The following ABTB1 variants were observed in gnomAD, a reference collection of about 807,000 sequenced individuals.
ABTB1 encodes the protein ankyrin repeat and BTB domain containing 1.
In ABTB1, 45 loss-of-function variants were observed where a neutral mutation model predicts 57.1. The observed-to-expected ratio is 0.79, with a 90% CI of 0.62 to 1.01. ABTB1 has a LOEUF of 1.01. Among genes scored for constraint, ABTB1 ranks in the 50% least tolerant of loss-of-function variants. The pLI, the probability that ABTB1 is intolerant of heterozygous loss-of-function variation, is 0.00. For missense variants in ABTB1, 630 were observed against 666.3 expected, an observed-to-expected ratio of 0.95 and a Z score of 0.60; for synonymous variants, 302 against 275.4, an observed-to-expected ratio of 1.10 and a Z score of -0.95.
In ABTB1 at chr3:127,680,569, A is replaced by G. The variant is rs762589574; in HGVS notation, c.*94A>G. 4 of 1,470,834 alleles carry G rather than the reference A, an allele frequency of 2.7e-6. No homozygotes were observed. Among genetic ancestry groups the G allele is most frequent in the East Asian group, 2.3e-5 (1 of 44,202 alleles). 91.1% of individuals were successfully genotyped at this position (1,470,834 alleles called of 1,614,324 possible). A position where few individuals can be genotyped will look rare whatever the true frequency, so the allele number is the denominator to read the frequency against. On this transcript the variant is annotated 3_prime_UTR_variant, in exon 12 of 12. Coordinates refer to ENST00000232744, the MANE Select transcript of ABTB1 (RefSeq NM_172027.3). Reference sequence around the variant, plus strand: ...CAGCTCTTCTTCCTGCTCCCTGCACATTGAGGGCTTCATGGGGGGTGCGAG... The same window carrying G: ...CAGCTCTTCTTCCTGCTCCCTGCACGTTGAGGGCTTCATGGGGGGTGCGAG...
In ABTB1 at chr3:127,675,936, T is replaced by C. The variant is rs749950014; in HGVS notation, c.176-34T>C. ...GAGATTAGAATTTCCCCCAGGCCCC[T>C]TCCCTGCTAACTGGTGAGCCCTGCC... is the stretch of plus-strand genomic sequence containing the variant. On this transcript the variant is annotated intron_variant, in intron 3 of 11. Coordinates refer to ENST00000232744, the MANE Select transcript of ABTB1 (RefSeq NM_172027.3). 4.4e-6 allele frequency: 7 copies of C among 1,590,556 alleles called. No individual in the cohort carries two copies. The Admixed American group carries it at 1.2e-4, about 27-fold the overall frequency.
Position 127,680,269 on chromosome 3 carries a change from C to G in ABTB1, c.1231C>G (p.Leu411Val), listed in dbSNP as rs1181489662. Residue 411 changes from leucine (L) to valine (V), a missense_variant and splice_region_variant, in exon 12 of 12, where the codon CTG becomes GTG. Coordinates refer to ENST00000232744, the MANE Select transcript of ABTB1 (RefSeq NM_172027.3). Reference protein sequence around the residue: ...TEYMAKVIEKLVEREDFVEAV... With the variant: ...TEYMAKVIEKVVEREDFVEAV... Reference sequence around the variant, plus strand: ...CTGAGCTGGCCCTTCCCGCTCATAGCTGGTGGAGCGGGAGGACTTCGTGGA... The same window carrying G: ...CTGAGCTGGCCCTTCCCGCTCATAGGTGGTGGAGCGGGAGGACTTCGTGGA... 1 of 1,613,484 alleles carries G rather than the reference C, an allele frequency of 6.2e-7. No individual in the cohort carries two copies. The highest frequency in any genetic ancestry group is 1.7e-5 in the Admixed American group (1 of 59,988).
At position 127,677,187 on chromosome 3, in the gene ABTB1, G is replaced by C. The variant is rs756066641; in HGVS notation, c.663G>C (p.Thr221=). The C allele has an allele frequency of 4.3e-6, 7 of 1,612,878 alleles. No homozygotes were observed. The Admixed American group carries it at 6.7e-5, about 15-fold the overall frequency. ...VSEFVASKPG[T]CVKVLTIEPP... is the part of the protein sequence containing the mutation. ...CTGTAGTGGCGTCTAAGCCAGGCAC[G>C]TGTGTGAAGGTGCTGACCATCGAGC... Residue 221 remains threonine (T), a synonymous_variant, in exon 8 of 12, where the codon ACG becomes ACC. Coordinates refer to ENST00000232744, the MANE Select transcript of ABTB1 (RefSeq NM_172027.3).
chr3:127,673,236 C>T (rs1250352373), intron 1 of ABTB1, 155 bp downstream of exon 1: 2 of 680,116 alleles, frequency 2.9e-6, no homozygotes, highest in African/African-American at 1.9e-5. Context: ...CACCCGGACC[C>T]CCGCCGCAGC....
chr3:127,680,221 G>T, intron 11 of ABTB1, 36 bp downstream of exon 11: 2 of 1,613,340 alleles, frequency 1.2e-6, no homozygotes, highest in Non-Finnish European at 1.7e-6. Flanking sequence ...GGAAGGAGGG[G>T]TGAGAGGGCA....
At chr3:127,673,669 T>G (rs957181666) in intron 1 of ABTB1, 2 of 153,690 alleles carry the variant, frequency 1.3e-5, no homozygotes, top group African/African-American at 4.8e-5. Context: ...CCTCCTTTTT[T>G]CTTGGCCCTT....
At chr3:127,678,324 G>A (rs533534531) in intron 10 of ABTB1, 25 of 164,340 alleles carry the variant, frequency 1.5e-4, no homozygotes, top group Admixed American at 6.8e-4. Flanking sequence ...GTGTGCGTGC[G>A]CGTGCGCGCG....
chr3:127,679,641 A>C, intron 10 of ABTB1: 1 of 504,632 alleles, frequency 2.0e-6, no homozygotes, highest in Non-Finnish European at 3.9e-6. Flanking sequence ...AGGTGCAGTG[A>C]CTTGCCCAGG....
chr3:127,674,317 G>C, intron 1 of ABTB1, 74 bp from the exon 2 acceptor site: 1 of 1,550,038 alleles, frequency 6.5e-7, no homozygotes. Flanking sequence ...TTTTCTCTCC[G>C]TTCCTTTCCA....
At chr3:127,679,443 A>T in intron 10 of ABTB1, 2 of 447,464 alleles carry the variant, frequency 4.5e-6, no homozygotes, top group East Asian at 7.1e-5. Flanking sequence ...CCAGCACAGG[A>T]TGTATCTGTA....
At chr3:127,678,317 T>TGTGTGC (rs1553749269) in intron 10 of ABTB1, 4 of 158,250 alleles carry the variant, frequency 2.5e-5, no homozygotes, top group Admixed American at 5.9e-5. Flanking sequence ...AGTGTGTGTG[T>TGTGTGC]GCGTGCGCGT....
Position 127,676,794 on chromosome 3 carries a change from A to T in ABTB1, c.527-173A>T. On this transcript the variant is annotated intron_variant, in intron 6 of 11. Transcript: ENST00000232744. This position sits in a 1 kb window ranked among gnomAD's most constrained non-coding sequence, Gnocchi z 5.4. ...CCCACCCACATGCTGAGGCCCTCCC[A>T]TCTGTTCCCTGGGGCCTGTAGAACA... 1 of 833,236 alleles carries T rather than the reference A, an allele frequency of 1.2e-6. No homozygotes were observed. Among genetic ancestry groups the T allele is most frequent in the Non-Finnish European group, 1.9e-6 (1 of 538,326 alleles). 51.6% of individuals were successfully genotyped at this position (833,236 alleles called of 1,614,324 possible).
Position 127,680,254 on chromosome 3 carries a change from C to G in ABTB1, c.1231-15C>G, listed in dbSNP as rs1233631323. On this transcript the variant is annotated splice_polypyrimidine_tract_variant and intron_variant, in intron 11 of 11. Transcript: ENST00000232744. ...GCAGGCACCCCTCCACTGAGCTGGC[C>G]CTTCCCGCTCATAGCTGGTGGAGCG... is the stretch of plus-strand genomic sequence containing the variant. The G allele has an allele frequency of 1.2e-6, 2 of 1,613,402 alleles. No individual in the cohort carries two copies. The highest frequency in any genetic ancestry group is 2.7e-5 in the African/African-American group (2 of 74,932).
chr3:127,677,149 A>T lies in ABTB1; in HGVS notation c.644-19A>T. The T allele has an allele frequency of 6.2e-7, 1 of 1,613,250 alleles. No individual in the cohort carries two copies. Among genetic ancestry groups the T allele is most frequent in the Non-Finnish European group, 8.5e-7 (1 of 1,179,596 alleles). ...TGGCAGGGCTGGCCTGGCTCCCTGA[A>T]GTTGTTCTTCCCCTGTAGTGGCGTC... On this transcript the variant is annotated intron_variant, in intron 7 of 11. Coordinates refer to ENST00000232744, the MANE Select transcript of ABTB1 (RefSeq NM_172027.3).
At position 127,677,775 on chromosome 3, in the gene ABTB1, A is replaced by G. The variant is rs1327962734; in HGVS notation, c.961A>G (p.Thr321Ala). The change falls in exon 10 of 12, where the codon ACC becomes GCC. Residue 321 changes from threonine (T) to alanine (A), a missense_variant. By Grantham distance (58) the Thr-to-Ala change is moderately conservative. Coordinates refer to ENST00000232744, the MANE Select transcript of ABTB1 (RefSeq NM_172027.3). ...PATSGGPPAV[T>A]LHGISPDVFT... ...GACCTCAGGGGGCCCCCCAGCCGTC[A>G]CCCTGCATGGCATCTCACCCGACGT... is the stretch of plus-strand genomic sequence containing the variant. The G allele has an allele frequency of 1.9e-6, 3 of 1,612,366 alleles. No individual in the cohort carries two copies.
In ABTB1 at chr3:127,676,780, G is replaced by A; in HGVS notation, c.527-187G>A. 1.2e-6 allele frequency: 1 copy of A among 830,336 alleles called. No homozygotes were observed. The highest frequency in any genetic ancestry group is 1.9e-6 in the Non-Finnish European group (1 of 536,338). The allele number at this position is 830,336 out of a possible 1,614,324, so 51.4% of individuals were successfully genotyped here. Reference sequence around the variant, plus strand: ...CAGGAAGAGCTTGTCCCACCCACATGCTGAGGCCCTCCCATCTGTTCCCTG... The same window carrying A: ...CAGGAAGAGCTTGTCCCACCCACATACTGAGGCCCTCCCATCTGTTCCCTG... On this transcript the variant is annotated intron_variant, in intron 6 of 11. Transcript: ENST00000232744. The surrounding 1 kb of genome is among the most constrained non-coding windows in gnomAD (Gnocchi z 5.4).
In ABTB1 at chr3:127,676,930, A is replaced by G; in HGVS notation, c.527-37A>G. 1 of 1,593,078 alleles carries G rather than the reference A, an allele frequency of 6.3e-7. No homozygotes were observed. The highest frequency in any genetic ancestry group is 8.6e-7 in the Non-Finnish European group (1 of 1,163,392). ...TTTTCTGTGGGCCTGATGACAGCTG[A>G]GGTCCCGCAGGCCCTCATCCTCCCC... On this transcript the variant is annotated intron_variant, in intron 6 of 11. Coordinates refer to ENST00000232744, the MANE Select transcript of ABTB1 (RefSeq NM_172027.3). This position sits in a 1 kb window ranked among gnomAD's most constrained non-coding sequence, Gnocchi z 5.4.
Position 127,680,790 on chromosome 3 carries a change from G to C in ABTB1, c.*315G>C, listed in dbSNP as rs752738044. On this transcript the variant is annotated 3_prime_UTR_variant, in exon 12 of 12. Transcript: ENST00000232744. ...CTCCAGATCCCCCCTACCCACCCCA[G>C]TCCCAAATCCAGTCCTCTGGCCCTT... 7.6e-6 allele frequency: 5 copies of C among 661,392 alleles called. No homozygotes were observed. In the African/African-American group the frequency reaches 9.0e-5, roughly 12 times the overall value. 41.0% of individuals were successfully genotyped at this position (661,392 alleles called of 1,614,324 possible).
rs768542822 is a variant in ABTB1 at position 127,680,498 on chromosome 3, G to A, written c.*23G>A. 8 of 1,596,182 alleles carry A rather than the reference G, an allele frequency of 5.0e-6. No individual in the cohort carries two copies. The East Asian group carries it at 1.8e-4, about 36-fold the overall frequency. The stretch of plus-strand genomic sequence containing the variant: ...TGAGCCCCTGGCTGGGCAGCCCCAG[G>A]GGCCAGGAGCTCTCTTGGAGACAAG... On this transcript the variant is annotated 3_prime_UTR_variant, in exon 12 of 12. Transcript: ENST00000232744.
Sources: gnomAD v4.1 joint callset for allele counts on GRCh38, gnomAD v4.1.1 for gene constraint, Gnocchi (gnomAD v3.1) non-coding constraint, MANE v1.5 for transcripts, NCBI Gene and HGNC (gene_info 2026-07-23, HGNC 2026-07-21) for gene names.